The following KHDRBS2 variants were observed in gnomAD, a reference collection of about 807,000 sequenced individuals.
KHDRBS2 encodes the protein KH RNA binding domain containing, signal transduction associated 2, also known as KH domain-containing, RNA-binding, signal transduction-associated protein 2.
In KHDRBS2, 26 loss-of-function variants were observed where a neutral mutation model predicts 44.3. That is an observed-to-expected ratio of 0.59 (90% CI 0.43 to 0.81). KHDRBS2 has a LOEUF of 0.81. Ranked by LOEUF, KHDRBS2 falls within the 40% of genes least tolerant of loss-of-function variation. The pLI, the probability that KHDRBS2 is intolerant of heterozygous loss-of-function variation, is 0.00. For missense variants in KHDRBS2, 476 were observed against 433.1 expected (o/e 1.10, Z -0.88); for synonymous variants, 194 against 151.1 (o/e 1.28, Z -2.08).
At chr6:61,724,388 A>G (rs1479062047) in intron 7 of KHDRBS2, among the ~76,000 whole-genome samples, 1 of 152,142 alleles carries the variant, frequency 6.6e-6, no homozygotes, top group Non-Finnish European at 1.5e-5. Flanking sequence ...CAGTGATACT[A>G]TGAAGCAACC....
At chr6:61,639,296 T>G in the KHDRBS2 span, among the ~76,000 whole-genome samples, 1 of 151,768 alleles carries the variant, frequency 6.6e-6, no homozygotes, top group African/African-American at 2.4e-5. Context: ...CTACTTATCT[T>G]TTAGGCATAT....
At chr6:62,206,510 A>G (rs142933390) in intron 1 of KHDRBS2, among the ~76,000 whole-genome samples, 1 of 152,250 alleles carries the variant, frequency 6.6e-6, no homozygotes, top group Non-Finnish European at 1.5e-5. Context: ...ATATTCTAAT[A>G]TATTTCACTA....
At chr6:61,946,716 C>A (rs1022092113) in intron 4 of KHDRBS2, among the ~76,000 whole-genome samples, 1 of 152,068 alleles carries the variant, frequency 6.6e-6, no homozygotes, top group East Asian at 1.9e-4. Flanking sequence ...GCTGTTAGAG[C>A]GCTAGCATTA....
the KHDRBS2 span, among the ~76,000 whole-genome samples, chr6:61,551,641 T>C: frequency 6.6e-6 from 1 of 152,158 alleles, no homozygotes; most frequent in Admixed American, 6.5e-5. Context: ...ATTGCTTGTT[T>C]TTGTCAGCTT....
chr6:61,750,773 A>G (rs1270717776), intron 6 of KHDRBS2, among the ~76,000 whole-genome samples: 1 of 151,844 alleles, frequency 6.6e-6, no homozygotes, highest in African/African-American at 2.4e-5. Flanking sequence ...AAAAAAAAAA[A>G]AAAACATCTA....
chr6:62,060,964 AAG>A (rs1791683076), intron 2 of KHDRBS2, among the ~76,000 whole-genome samples: 2 of 151,842 alleles, frequency 1.3e-5, no homozygotes, highest in Admixed American at 6.6e-5. Context: ...TGTTGGTTTA[AAG>A]TCTGTTTTAT....
chr6:62,003,372 C>T (rs1437999492), intron 3 of KHDRBS2, among the ~76,000 whole-genome samples: 3 of 152,054 alleles, frequency 2.0e-5, no homozygotes, highest in Admixed American at 2.0e-4. Flanking sequence ...ATCATTTATT[C>T]AACTAAAATG....
At chr6:61,836,397 G>A (rs1431514640) in intron 6 of KHDRBS2, among the ~76,000 whole-genome samples, 1 of 151,950 alleles carries the variant, frequency 6.6e-6, no homozygotes, top group Non-Finnish European at 1.5e-5. Flanking sequence ...AGGTACTATT[G>A]GATGGATCTG....
At chr6:61,843,283 T>C (rs534112276) in intron 6 of KHDRBS2, among the ~76,000 whole-genome samples, 1 of 151,576 alleles carries the variant, frequency 6.6e-6, no homozygotes, top group African/African-American at 2.4e-5. Flanking sequence ...TGTGAATATA[T>C]TAAAATTTAC....
rs111287033 is a variant in KHDRBS2, at chr6:61,695,874, T to A, written c.952+1321A>T. On this transcript the variant is annotated intron_variant, in intron 8 of 8. Transcript: ENST00000281156. The stretch of plus-strand genomic sequence containing the variant: ...CATCAGGACGTGCCCTTCGCCAGCC[T>A]GATGCAGCATCATATGAAGCCCCAA... Among the ~76,000 whole-genome samples, 1,375 of 152,248 alleles carry A rather than the reference T, an allele frequency of 9.0e-3. 10 individuals are homozygous for A. Among genetic ancestry groups the A allele is most frequent in the Middle Eastern group, 0.01 (3 of 294 alleles).
intron 6 of KHDRBS2, chr6:61,817,128 T>C (rs1395715307): frequency 2.9e-6 from 1 of 342,886 alleles, no homozygotes; most frequent in African/African-American, 2.1e-5. Context: ...AGAATGTAAA[T>C]GCTGCCCACT....
intron 2 of KHDRBS2, among the ~76,000 whole-genome samples, chr6:62,114,155 T>C (rs2150077326): frequency 6.6e-6 from 1 of 152,198 alleles, no homozygotes; most frequent in African/African-American, 2.4e-5. Context: ...TAGGTCCCTC[T>C]CATGACACTT....
rs540042079 is a variant in KHDRBS2, at chr6:61,758,821, A to G, written c.811-26057T>C. ...GTAATAGCAATTGTTATGTAAATAT[A>G]TATTTAGGGTATAGGAGACATGTAC... is the stretch of plus-strand genomic sequence containing the variant. On this transcript the variant is annotated intron_variant, in intron 6 of 8. Transcript: ENST00000281156. Among the ~76,000 whole-genome samples, 15 of 152,252 alleles carry G rather than the reference A, an allele frequency of 9.9e-5. 1 individual carries two copies. The highest frequency in any genetic ancestry group is 3.4e-4 in the African/African-American group (14 of 41,566).
chr6:61,950,025 G>T (rs1034289735), intron 4 of KHDRBS2, among the ~76,000 whole-genome samples: 3 of 151,954 alleles, frequency 2.0e-5, no homozygotes, highest in Non-Finnish European at 4.4e-5. Flanking sequence ...TCTGAAAGCT[G>T]GTTGTTGTTA....
At chr6:62,104,420 T>G (rs192303851) in intron 2 of KHDRBS2, among the ~76,000 whole-genome samples, 1 of 152,318 alleles carries the variant, frequency 6.6e-6, no homozygotes, top group South Asian at 2.1e-4. Flanking sequence ...TTAGGTATAT[T>G]TGAAATCATT....
At chr6:61,728,755 G>A (rs886499163) in intron 7 of KHDRBS2, among the ~76,000 whole-genome samples, 1 of 152,120 alleles carries the variant, frequency 6.6e-6, no homozygotes, top group African/African-American at 2.4e-5. Flanking sequence ...ATGATACATT[G>A]ATAAATAGAT....
chr6:61,674,411 T>G, the KHDRBS2 span, among the ~76,000 whole-genome samples: 1 of 151,792 alleles, frequency 6.6e-6, no homozygotes, highest in Admixed American at 6.6e-5. Context: ...AACTTTGTTT[T>G]AAATTTTGGC....
At chr6:61,721,002 G>A (rs1206491644) in intron 7 of KHDRBS2, among the ~76,000 whole-genome samples, 47 of 151,086 alleles carry the variant, frequency 3.1e-4, no homozygotes, top group African/African-American at 1.1e-3. Flanking sequence ...CATATGGCTA[G>A]CCAGTTTTCC....
At chr6:61,556,442 T>C in the KHDRBS2 span, among the ~76,000 whole-genome samples, 1 of 152,230 alleles carries the variant, frequency 6.6e-6, no homozygotes, top group Non-Finnish European at 1.5e-5. Context: ...TTCTAATTTT[T>C]ACTCCAAAAT....
Sources: gnomAD v4.1 joint callset for allele counts (sites outside exome capture counted in the v4.1 genomes callset) on GRCh38, gnomAD v4.1.1 for gene constraint, MANE v1.5 for transcripts, NCBI Gene and HGNC (gene_info 2026-07-23, HGNC 2026-07-21) for gene names.